Variants in IFIH1 observed in about 807,000 individuals in gnomAD.
IFIH1 encodes the protein interferon-induced helicase C domain-containing protein 1.
IFIH1 carries 125 observed loss-of-function variants against 107.4 expected under a neutral mutation model. That is an observed-to-expected ratio of 1.16 (90% CI 1.01 to 1.35). The LOEUF (loss-of-function observed/expected upper bound fraction) is 1.35, where lower values mean the gene tolerates loss of function less well. IFIH1 is among the 40% of genes most tolerant of loss of function. IFIH1 has a pLI of 0.00. For missense variants in IFIH1, 1,333 were observed against 1,213.7 expected, an observed-to-expected ratio of 1.10 and a Z score of -1.46; for synonymous variants, 458 against 413.2, an observed-to-expected ratio of 1.11 and a Z score of -1.31.
intron 1 of IFIH1, among the ~76,000 whole-genome samples, chr2:162,315,211 C>T (rs1683466596): frequency 6.6e-6 from 1 of 152,166 alleles, no homozygotes; most frequent in South Asian, 2.1e-4. Flanking sequence ...ATCATTCATC[C>T]ATTCTCTAAC....
chr2:162,310,799 C>T lies in IFIH1; in HGVS notation c.588G>A (p.Glu196=), dbSNP rs757323693. The T allele has an allele frequency of 1.9e-6, 3 of 1,613,736 alleles. No individual in the cohort carries two copies. In the African/African-American group the frequency reaches 4.0e-5, roughly 22 times the overall value. The change falls in exon 2 of 16, where the codon GAG becomes GAA. Residue 196 remains glutamate, a synonymous_variant. Transcript: ENST00000649979. ...RQTGNNELVQ[E]LTGSDCSESN... ...TTTCTGAGCAATCAGAGCCTGTTAACTCTTGGACAAGTTCATTGTTTCCTG... is the reference window on the plus strand; with the variant it reads ...TTTCTGAGCAATCAGAGCCTGTTAATTCTTGGACAAGTTCATTGTTTCCTG...
At chr2:162,314,405 T>C (rs1239979847) in intron 1 of IFIH1, among the ~76,000 whole-genome samples, 16 of 73,812 alleles carry the variant, frequency 2.2e-4, no homozygotes, top group African/African-American at 1.5e-3. Flanking sequence ...CCTCCTTTCT[T>C]TCTTTCTTTC....
At chr2:162,316,784 T>G (rs1683493903) in intron 1 of IFIH1, among the ~76,000 whole-genome samples, 1 of 152,234 alleles carries the variant, frequency 6.6e-6, no homozygotes, top group Admixed American at 6.5e-5. Flanking sequence ...TAAGTCACAT[T>G]CAAACAGGTC....
chr2:162,308,362 T>C (rs1210872589), intron 2 of IFIH1, among the ~76,000 whole-genome samples: 1 of 152,078 alleles, frequency 6.6e-6, no homozygotes, highest in Non-Finnish European at 1.5e-5. Context: ...TAAGGCCCCA[T>C]TCTTATGATT....
intron 3 of IFIH1, 78 bp from the exon 4 acceptor site, chr2:162,293,746 A>C (rs747156404): frequency 1.2e-5 from 10 of 851,444 alleles, no homozygotes; most frequent in Non-Finnish European, 1.9e-5. Flanking sequence ...CCTCTACAGC[A>C]CACAGTACAT....
At chr2:162,274,299 T>C (rs906628399) in intron 11 of IFIH1, among the ~76,000 whole-genome samples, 4 of 152,134 alleles carry the variant, frequency 2.6e-5, no homozygotes, top group African/African-American at 9.7e-5. Flanking sequence ...TGGGCTTTTT[T>C]CCCCCACTAC....
At chr2:162,314,996 T>G (rs1447077937) in intron 1 of IFIH1, among the ~76,000 whole-genome samples, 1 of 152,136 alleles carries the variant, frequency 6.6e-6, no homozygotes, top group East Asian at 1.9e-4. Flanking sequence ...ATGTATAAAG[T>G]CATTTTCAGA....
intron 12 of IFIH1, among the ~76,000 whole-genome samples, chr2:162,273,581 G>T (rs920334685): frequency 5.3e-5 from 8 of 152,128 alleles, no homozygotes; most frequent in Non-Finnish European, 1.0e-4. Flanking sequence ...AGGAGTTGTT[G>T]TTTAAACATA....
At chr2:162,310,363 C>G (rs1683367174) in intron 2 of IFIH1, 1 of 232,534 alleles carries the variant, frequency 4.3e-6, no homozygotes, top group Non-Finnish European at 8.2e-6. Context: ...CAAAACAATC[C>G]TTTTATCAAA....
rs759791512 is a variant in IFIH1 at position 162,317,896 on chromosome 2, A to T, written c.412T>A (p.Cys138Ser). 1 of 1,610,130 alleles carries T rather than the reference A, an allele frequency of 6.2e-7. No individual in the cohort carries two copies. The highest frequency in any genetic ancestry group is 2.2e-5 in the East Asian group (1 of 44,860). Reference sequence around the variant, plus strand: ...ATTGTCAACAGTTCCTCCTCCATGCACTTATCCAAGACGTCTCTAACTAGA... The same window carrying T: ...ATTGTCAACAGTTCCTCCTCCATGCTCTTATCCAAGACGTCTCTAACTAGA... The part of the protein sequence containing the change: ...KLLVRDVLDK[C>S]MEEELLTIED... The change falls in exon 1 of 16, where the codon TGC (cysteine) becomes AGC (serine). Residue 138 changes from cysteine to serine, a missense_variant. Physicochemically the swap from Cys to Ser is moderately radical, Grantham distance 112. Coordinates refer to ENST00000649979, the MANE Select transcript of IFIH1 (RefSeq NM_022168.4).
chr2:162,296,762 T>C (rs1471272501), intron 3 of IFIH1, among the ~76,000 whole-genome samples: 4 of 152,188 alleles, frequency 2.6e-5, no homozygotes, highest in African/African-American at 7.2e-5. Context: ...TCTGGTTTCA[T>C]TGATAGATTT....
rs1166254199 is a variant in IFIH1, at chr2:162,277,490, CACCA to C, written c.1965_1968del (p.Asp655GlufsTer8). ...TTCTTTAAATCATCCTCATCTTCATCACCATCACAATACTCATCATCACCACCCT... is the reference window on the plus strand; with the variant it reads ...TTCTTTAAATCATCCTCATCTTCATCTCACAATACTCATCATCACCACCCT... On this transcript the variant is annotated frameshift_variant, in exon 10 of 16. Transcript: ENST00000649979. LOFTEE classifies it high-confidence loss of function. 6.3e-7 allele frequency: 1 copy of C among 1,598,762 alleles called. No individual in the cohort carries two copies. The highest frequency in any genetic ancestry group is 2.2e-5 in the East Asian group (1 of 44,732).
chr2:162,273,240 G>C (rs1245412677), intron 12 of IFIH1, among the ~76,000 whole-genome samples: 4 of 152,176 alleles, frequency 2.6e-5, no homozygotes, highest in Non-Finnish European at 5.9e-5. Flanking sequence ...AGGTGGGTAA[G>C]AGATAAAGTG....
intron 1 of IFIH1, among the ~76,000 whole-genome samples, chr2:162,315,326 A>G (rs1489198778): frequency 6.6e-6 from 1 of 152,202 alleles, no homozygotes; most frequent in East Asian, 1.9e-4. Context: ...ATGCTTACTA[A>G]ACACCAACCC....
At chr2:162,297,343 T>A (rs1372672413) in intron 3 of IFIH1, among the ~76,000 whole-genome samples, 1 of 152,184 alleles carries the variant, frequency 6.6e-6, no homozygotes, top group African/African-American at 2.4e-5. Flanking sequence ...CCTGCGTTTA[T>A]GATTTTATAA....
intron 1 of IFIH1, 27 bp downstream of exon 1, chr2:162,317,828 G>T (rs1683531641): frequency 1.3e-6 from 2 of 1,526,062 alleles, no homozygotes; most frequent in African/African-American, 2.8e-5. Flanking sequence ...TGCCTAAAAG[G>T]CTAGCTCCAT....
At chr2:162,300,382 C>A (rs1683171961) in intron 3 of IFIH1, among the ~76,000 whole-genome samples, 1 of 152,160 alleles carries the variant, frequency 6.6e-6, no homozygotes, top group Admixed American at 6.5e-5. Flanking sequence ...ATAAATCCAA[C>A]ATGTATTAAC....
At chr2:162,267,631 A>T (rs1041178558) in intron 14 of IFIH1, 62 bp from the exon 15 acceptor site, 2 of 1,216,316 alleles carry the variant, frequency 1.6e-6, no homozygotes, top group African/African-American at 2.9e-5. Context: ...TGTGTAGTTC[A>T]TGGGTTATTG....
In IFIH1 at chr2:162,306,711, G is replaced by A; in HGVS notation, c.767C>T (p.Ser256Leu). Residue 256 changes from serine (S) to leucine (L), a missense_variant and splice_region_variant, in exon 3 of 16, where the codon TCA (serine) becomes TTA (leucine). By Grantham distance (145) the Ser-to-Leu change is moderately radical. Coordinates refer to ENST00000649979, the MANE Select transcript of IFIH1 (RefSeq NM_022168.4). Reference sequence around the variant, plus strand: ...AAGTACGTATGTGTTTCAAGTACCTGAAACTACAGAAGAATCTGCAAAAGA... The same window carrying A: ...AAGTACGTATGTGTTTCAAGTACCTAAAACTACAGAAGAATCTGCAAAAGA... ...ESSFADSSVVSESDTSLAEGS... is the reference protein window; with the variant it reads ...ESSFADSSVVLESDTSLAEGS... The A allele has an allele frequency of 6.2e-7, 1 of 1,613,514 alleles. No individual in the cohort carries two copies. Among genetic ancestry groups the A allele is most frequent in the Non-Finnish European group, 8.5e-7 (1 of 1,179,616 alleles).
Sources: allele counts gnomAD v4.1 joint callset (sites outside exome capture counted in the v4.1 genomes callset), GRCh38; gene constraint gnomAD v4.1.1; transcripts MANE v1.5; gene names NCBI Gene and HGNC (gene_info 2026-07-23, HGNC 2026-07-21).